NACC2: variants seen among roughly 807,000 people sequenced by gnomAD.
The protein encoded by NACC2 is nucleus accumbens-associated protein 2.
Under a neutral mutation model 25.1 loss-of-function variants are expected in NACC2, and 8 were observed. The ratio of observed to expected loss-of-function variants is 0.32; its 90% CI spans 0.19 to 0.57. NACC2 has a LOEUF of 0.57. NACC2 is among the 20% of genes least tolerant of loss of function. The pLI is 0.89. For synonymous variants in NACC2, 435 were observed against 294.7 expected (o/e 1.48, Z -4.88); for missense variants, 644 against 650.2 (o/e 0.99, Z 0.10).
At chr9:136,048,120 G>C (rs1160273062) in intron 2 of NACC2, among the ~76,000 whole-genome samples, 2 of 152,234 alleles carry the variant, frequency 1.3e-5, no homozygotes, top group Admixed American at 6.5e-5. Context: ...CCATCAATGG[G>C]GGATGTCCTC....
intron 1 of NACC2, among the ~76,000 whole-genome samples, chr9:136,074,499 C>G: frequency 8.4e-6 from 1 of 119,496 alleles, no homozygotes. Flanking sequence ...GTTCTTCATT[C>G]CAGAAACATT....
Position 136,013,386 on chromosome 9 carries a change from GC to G in NACC2, c.1158-91del. 8.4e-7 allele frequency: 1 copy of G among 1,196,834 alleles called. No homozygotes were observed. The highest frequency in any genetic ancestry group is 1.2e-6 in the Non-Finnish European group (1 of 830,930). 74.1% of individuals were successfully genotyped at this position (1,196,834 alleles called of 1,614,324 possible). ...GCCCGCACGAATGCCCTGCTGGGAG[GC>G]CACTTGGCCTCACCCTTGGCTGGTC... On this transcript the variant is annotated intron_variant, in intron 4 of 5. Transcript: ENST00000277554. The surrounding 1 kb of genome is among the most constrained non-coding windows in gnomAD (Gnocchi z 6.6).
intron 1 of NACC2, among the ~76,000 whole-genome samples, chr9:136,080,592 A>C (rs1419465343): frequency 6.6e-6 from 1 of 152,060 alleles, no homozygotes; most frequent in African/African-American, 2.4e-5. Flanking sequence ...CTCCAATAAA[A>C]AAACTCCAAC....
At chr9:136,092,685 G>C (rs139013265) in intron 1 of NACC2, among the ~76,000 whole-genome samples, 1 of 152,198 alleles carries the variant, frequency 6.6e-6, no homozygotes, top group Non-Finnish European at 1.5e-5. Context: ...GGTGGACTGG[G>C]CCGGAGGAGC....
rs1554733024 is a variant in NACC2, at chr9:136,007,535, G to GAA, written c.*3980_*3981insTT. On this transcript the variant is annotated 3_prime_UTR_variant, in exon 6 of 6. Coordinates refer to ENST00000277554, the MANE Select transcript of NACC2 (RefSeq NM_144653.5). ...CGCGCACACACAGACGCACAGACGT[G>GAA]CACACACAGACACGCACACACACAC... The GAA allele has an allele frequency of 0.083, 12,262 of 148,474 alleles. 648 individuals are homozygous for GAA. The highest frequency in any genetic ancestry group is 0.18 in the South Asian group (839 of 4,750). 9.2% of individuals were successfully genotyped at this position (148,474 alleles called of 1,614,324 possible). A position where few individuals can be genotyped will look rare whatever the true frequency, so the allele number is the denominator to read the frequency against.
intron 1 of NACC2, among the ~76,000 whole-genome samples, chr9:136,082,963 C>G (rs1265694656): frequency 6.6e-6 from 1 of 152,200 alleles, no homozygotes; most frequent in Non-Finnish European, 1.5e-5. Flanking sequence ...GATATCAGGG[C>G]GAGGGGGAAG....
At chr9:136,058,904 C>T (rs1270354106) in intron 1 of NACC2, among the ~76,000 whole-genome samples, 1 of 152,168 alleles carries the variant, frequency 6.6e-6, no homozygotes, top group South Asian at 2.1e-4. Context: ...GTCTCCTGAC[C>T]GCCACCCCAC....
rs141516373 is a variant in NACC2, at chr9:136,010,997, C to T, written c.*519G>A. 3.8e-3 allele frequency: 581 copies of T among 152,792 alleles called. 2 individuals are homozygous for T. Among genetic ancestry groups the T allele is most frequent in the Admixed American group, 6.2e-3 (95 of 15,320 alleles). 9.5% of individuals were successfully genotyped at this position (152,792 alleles called of 1,614,324 possible). ...CAGGTGGAAGGCCCGGTGGGCCTGG[C>T]CCCGAGTCTCCGAAAGAAGGAAAAA... On this transcript the variant is annotated 3_prime_UTR_variant, in exon 6 of 6. Coordinates refer to ENST00000277554, the MANE Select transcript of NACC2 (RefSeq NM_144653.5). This position sits in a 1 kb window ranked among gnomAD's most constrained non-coding sequence, Gnocchi z 4.9.
In NACC2 at chr9:136,084,587, C is replaced by T. The variant is rs1452879110; in HGVS notation, c.-60+10602G>A. On this transcript the variant is annotated intron_variant, in intron 1 of 5. Coordinates refer to ENST00000277554, the MANE Select transcript of NACC2 (RefSeq NM_144653.5). This position sits in a 1 kb window ranked among gnomAD's most constrained non-coding sequence, Gnocchi z 5.1. ...GGCCATGGAAAGGCCACAGAATACA[C>T]CAGGCTGGAAGAGCCCAGAGACACA... Among the ~76,000 whole-genome samples the T allele has an allele frequency of 1.3e-5, 2 of 152,220 alleles. No individual in the cohort carries two copies. Among genetic ancestry groups the T allele is most frequent in the East Asian group, 3.8e-4 (2 of 5,198 alleles).
At chr9:136,029,307 G>C (rs1210335483) in intron 2 of NACC2, among the ~76,000 whole-genome samples, 2 of 152,160 alleles carry the variant, frequency 1.3e-5, no homozygotes, top group African/African-American at 4.8e-5. Context: ...GCTGAGAGCT[G>C]AGCAGATGTT....
chr9:136,043,082 G>A (rs1449993111), intron 2 of NACC2, among the ~76,000 whole-genome samples: 1 of 152,034 alleles, frequency 6.6e-6, no homozygotes, highest in South Asian at 2.1e-4. Context: ...AGGATTTCTC[G>A]AACAGGCTAC....
intron 1 of NACC2, among the ~76,000 whole-genome samples, chr9:136,062,965 C>T (rs1841032472): frequency 1.3e-5 from 2 of 152,228 alleles, no homozygotes; most frequent in African/African-American, 2.4e-5. Context: ...ATCCCAGAAA[C>T]ATGAGGTACA....
chr9:136,093,886 G>T (rs1292253379), intron 1 of NACC2, among the ~76,000 whole-genome samples: 2 of 152,202 alleles, frequency 1.3e-5, no homozygotes, highest in Non-Finnish European at 2.9e-5. Flanking sequence ...GGTGCTACAG[G>T]CTAAAACACC....
At chr9:136,059,992 G>A (rs1840986063) in intron 1 of NACC2, among the ~76,000 whole-genome samples, 1 of 152,244 alleles carries the variant, frequency 6.6e-6, no homozygotes, top group Admixed American at 6.5e-5. Flanking sequence ...ACCTGCAGGA[G>A]GCACAGGGCC....
chr9:136,054,781 G>A (rs1840899854), intron 1 of NACC2, among the ~76,000 whole-genome samples: 1 of 152,072 alleles, frequency 6.6e-6, no homozygotes, highest in African/African-American at 2.4e-5. Flanking sequence ...TTCACTTATG[G>A]AAAGTTCTGC....
intron 1 of NACC2, among the ~76,000 whole-genome samples, chr9:136,079,158 T>G (rs1244183193): frequency 6.6e-6 from 1 of 152,140 alleles, no homozygotes; most frequent in African/African-American, 2.4e-5. Flanking sequence ...AGAGAAAGCT[T>G]GAGCTCTTGC....
At chr9:136,043,695 C>T (rs1363753809) in intron 2 of NACC2, among the ~76,000 whole-genome samples, 4 of 152,302 alleles carry the variant, frequency 2.6e-5, no homozygotes, top group South Asian at 4.1e-4. Context: ...ATGGGGTAGA[C>T]GACTCTGTGC....
Position 136,019,950 on chromosome 9 carries a change from C to T in NACC2, c.887-3521G>A, listed in dbSNP as rs1019188605. ...TCCACTCGCAGGCGGCCCCCAGAGT[C>T]GTCAGGTCCACAGAGGCGGGAAACA... On this transcript the variant is annotated intron_variant, in intron 2 of 5. Coordinates refer to ENST00000277554, the MANE Select transcript of NACC2 (RefSeq NM_144653.5). This position sits in a 1 kb window ranked among gnomAD's most constrained non-coding sequence, Gnocchi z 5.2. Among the ~76,000 whole-genome samples the T allele has an allele frequency of 2.8e-5, 4 of 144,692 alleles. No individual in the cohort carries two copies. Among genetic ancestry groups the T allele is most frequent in the Non-Finnish European group, 6.1e-5 (4 of 66,038 alleles). 94.9% of individuals were successfully genotyped at this position (144,692 alleles called of 152,430 possible).
intron 1 of NACC2, among the ~76,000 whole-genome samples, chr9:136,087,524 G>A (rs780004279): frequency 2.0e-5 from 3 of 152,212 alleles, no homozygotes; most frequent in East Asian, 1.9e-4. Context: ...GCCAGTCCTC[G>A]CAGGGCCCGG....
Sources: allele counts gnomAD v4.1 joint callset (sites outside exome capture counted in the v4.1 genomes callset), GRCh38; gene constraint gnomAD v4.1.1; non-coding constraint Gnocchi (gnomAD v3.1); transcripts MANE v1.5; gene names NCBI Gene and HGNC (gene_info 2026-07-23, HGNC 2026-07-21).